Variants in WAPL observed in about 807,000 individuals in gnomAD.
The protein encoded by WAPL is WAPL cohesin release factor.
WAPL carries 5 observed loss-of-function variants against 121.0 expected under a neutral mutation model. The observed-to-expected ratio is 0.04, with a 90% confidence interval of 0.02 to 0.09. The LOEUF is 0.09. Ranked by LOEUF, WAPL falls within the 10% of genes least tolerant of loss-of-function variation. WAPL has a pLI of 1.00. For missense variants in WAPL, 999 were observed against 1,410.8 expected (o/e 0.71, Z 4.68); for synonymous variants, 480 against 481.5 (o/e 1.00, Z 0.04).
chr10:86,489,659 G>T (rs1842001866), intron 4 of WAPL, among the ~76,000 whole-genome samples: 2 of 151,966 alleles, frequency 1.3e-5, no homozygotes, highest in African/African-American at 4.8e-5. Flanking sequence ...CAGTGTACAG[G>T]GCCAGCCTCC....
At chr10:86,455,592 A>G (rs1564566248) in intron 12 of WAPL, among the ~76,000 whole-genome samples, 1 of 150,932 alleles carries the variant, frequency 6.6e-6, no homozygotes, top group Non-Finnish European at 1.5e-5. Context: ...CCTTGTTCAC[A>G]TGTTTATCTG....
intron 16 of WAPL, chr10:86,443,757 C>A (rs921308435): frequency 5.6e-6 from 1 of 178,980 alleles, no homozygotes; most frequent in African/African-American, 2.4e-5. Context: ...CGTGGTGCCT[C>A]ACACCTATAA....
chr10:86,441,439 A>G (rs1218484260), intron 17 of WAPL, among the ~76,000 whole-genome samples: 3 of 152,166 alleles, frequency 2.0e-5, no homozygotes, highest in African/African-American at 7.2e-5. Context: ...TGGTTCAGAC[A>G]AAAGCATTGT....
chr10:86,443,214 T>C, intron 17 of WAPL, 61 bp downstream of exon 17: 1 of 1,320,830 alleles, frequency 7.6e-7, no homozygotes, highest in Middle Eastern at 1.8e-4. Context: ...TGTAAAGGTA[T>C]GAAGTCGTTA....
At chr10:86,511,969 C>G (rs189960760) in intron 2 of WAPL, among the ~76,000 whole-genome samples, 16 of 152,134 alleles carry the variant, frequency 1.1e-4, no homozygotes, top group African/African-American at 3.6e-4. Flanking sequence ...TTATCCACTT[C>G]TCTTAAAAAG....
At chr10:86,460,297 G>T in intron 11 of WAPL, 102 bp downstream of exon 11, 1 of 876,660 alleles carries the variant, frequency 1.1e-6, no homozygotes, top group South Asian at 1.5e-5. Flanking sequence ...ATTAACAGAA[G>T]TGAACCTCCA....
At chr10:86,510,780 A>T (rs1209596507) in intron 2 of WAPL, among the ~76,000 whole-genome samples, 1 of 152,238 alleles carries the variant, frequency 6.6e-6, no homozygotes, top group Non-Finnish European at 1.5e-5. Context: ...AAATATCTAT[A>T]AAAATCAAGT....
rs75016689 is a variant in WAPL at position 86,489,461 on chromosome 10, G to A, written c.1644+7740C>T. ...TACAAACTAGGTATTTAGGAGTAAT[G>A]GGCATCATATCTGAAATACTATCAA... On this transcript the variant is annotated intron_variant, in intron 4 of 18. Transcript: ENST00000298767. 1.1e-4 allele frequency among the ~76,000 whole-genome samples: 17 copies of A among 152,204 alleles called. 1 individual carries two copies. In the East Asian group the frequency reaches 3.1e-3, roughly 28 times the overall value.
chr10:86,472,661 G>T lies in WAPL; in HGVS notation c.1844C>A (p.Pro615His). The T allele has an allele frequency of 6.2e-7, 1 of 1,613,882 alleles. No homozygotes were observed. Among genetic ancestry groups the T allele is most frequent in the Non-Finnish European group, 8.5e-7 (1 of 1,179,898 alleles). The change falls in exon 6 of 19, where the codon CCC becomes CAC. Residue 615 changes from proline (P) to histidine (H), a missense_variant. By Grantham distance (77) the Pro-to-His change is moderately conservative. Coordinates refer to ENST00000298767, the MANE Select transcript of WAPL (RefSeq NM_015045.5). This position sits in a 1 kb window ranked among gnomAD's most constrained non-coding sequence, Gnocchi z 4.2. ...CAGTGCAGTAACTATATCTTGGTAG[G>T]GCTGAGTAGGTATTGTCACAGTTTT... is the stretch of plus-strand genomic sequence containing the variant. Reference protein sequence around the residue: ...VIKTVTIPTQPYQDIVTALKC... With the variant: ...VIKTVTIPTQHYQDIVTALKC...
At position 86,473,901 on chromosome 10, in the gene WAPL, C is replaced by T. The variant is rs1484118309; in HGVS notation, c.1717G>A (p.Val573Ile). Reference sequence around the variant, plus strand: ...ACTGTGACACTCTGAGGTTTTACTACTGGTGGCCCAGGCAGTTCTTCTGAA... The same window carrying T: ...ACTGTGACACTCTGAGGTTTTACTATTGGTGGCCCAGGCAGTTCTTCTGAA... The part of the protein sequence containing the change: ...PDSEELPGPP[V>I]VKPQSVTVRL... The change falls in exon 5 of 19, where the codon GTA (valine) becomes ATA (isoleucine). Residue 573 changes from valine (V) to isoleucine (I), a missense_variant. Val to Ile is a conservative substitution (Grantham distance 29, BLOSUM62 3). Transcript: ENST00000298767. The T allele has an allele frequency of 3.1e-6, 5 of 1,613,816 alleles. No homozygotes were observed. The African/African-American group carries it at 4.0e-5, about 13-fold the overall frequency.
intron 9 of WAPL, among the ~76,000 whole-genome samples, chr10:86,466,309 C>T (rs1300068531): frequency 6.6e-6 from 1 of 152,226 alleles, no homozygotes; most frequent in African/African-American, 2.4e-5. Flanking sequence ...TGGTGGCTCA[C>T]GCCTGTAATC....
intron 4 of WAPL, among the ~76,000 whole-genome samples, chr10:86,492,125 T>C (rs9325587): frequency 0.87 from 133,050 of 152,238 alleles, 58,594 homozygotes; most frequent in Non-Finnish European, 0.92. Context: ...TTAATATTCT[T>C]TGTGTCTGAG....
chr10:86,459,729 A>G (rs1841226614), intron 11 of WAPL, among the ~76,000 whole-genome samples: 2 of 152,268 alleles, frequency 1.3e-5, no homozygotes, highest in Admixed American at 6.5e-5. Flanking sequence ...CAAAATGCTA[A>G]TAACAATTTA....
chr10:86,476,104 G>A (rs147256163), intron 4 of WAPL, among the ~76,000 whole-genome samples: 1,601 of 152,312 alleles, frequency 0.011, 33 homozygotes, highest in African/African-American at 0.036. Flanking sequence ...GGTGGCTTAC[G>A]CCTGTAATCC....
intron 1 of WAPL, among the ~76,000 whole-genome samples, chr10:86,518,639 TG>T (rs1483294297): frequency 1.3e-5 from 2 of 152,290 alleles, no homozygotes; most frequent in Non-Finnish European, 2.9e-5. Context: ...ACTCAGGAGA[TG>T]GAGGTTGCAG....
intron 12 of WAPL, among the ~76,000 whole-genome samples, chr10:86,454,041 CTCTT>C (rs1841070144): frequency 6.6e-6 from 1 of 152,204 alleles, no homozygotes. Flanking sequence ...CACTAGTAAT[CTCTT>C]TATTTCCAAA....
intron 4 of WAPL, among the ~76,000 whole-genome samples, chr10:86,486,844 T>C (rs1001086161): frequency 6.6e-6 from 1 of 151,996 alleles, no homozygotes; most frequent in Middle Eastern, 3.2e-3. Context: ...TAGTCCCAGC[T>C]ACCCTAGAGG....
chr10:86,444,892 C>CAA (rs35307250), intron 16 of WAPL, among the ~76,000 whole-genome samples: 32,169 of 68,116 alleles, frequency 0.47, 7,841 homozygotes, highest in Non-Finnish European at 0.51. Flanking sequence ...GTTATTACGC[C>CAA]AAAAAAAAAA....
chr10:86,485,744 T>TA (rs11444180), intron 4 of WAPL, among the ~76,000 whole-genome samples: 146,452 of 152,290 alleles, frequency 0.96, 70,566 homozygotes, highest in East Asian at 1. Flanking sequence ...AAGGAAGCAA[T>TA]ATGCTTCTGG....
Sources: allele counts gnomAD v4.1 joint callset (sites outside exome capture counted in the v4.1 genomes callset), GRCh38; gene constraint gnomAD v4.1.1; non-coding constraint Gnocchi (gnomAD v3.1); transcripts MANE v1.5; gene names NCBI Gene and HGNC (gene_info 2026-07-23, HGNC 2026-07-21).